The following QTMAN variants were observed in gnomAD, a reference collection of about 807,000 sequenced individuals.
QTMAN encodes the protein queuosine-tRNA mannosyltransferase.
At chr2:144,307,159 TAAAAAAA>T in the QTMAN span, among the ~76,000 whole-genome samples, 45 of 40,462 alleles carry the variant, frequency 1.1e-3, no homozygotes, top group Non-Finnish European at 1.5e-3. Flanking sequence ...GACTCCGTCT[TAAAAAAA>T]AAAAAAAAAA....
the QTMAN span, among the ~76,000 whole-genome samples, chr2:144,322,377 T>C: frequency 3.3e-5 from 5 of 152,160 alleles, no homozygotes; most frequent in African/African-American, 9.6e-5. Context: ...TTTAAAAACT[T>C]AGTAAGATAA....
the QTMAN span, among the ~76,000 whole-genome samples, chr2:144,110,554 T>A: frequency 5.3e-5 from 8 of 151,610 alleles, no homozygotes; most frequent in South Asian, 2.1e-4. Context: ...AAATAAAAAA[T>A]AAATAAATAA....
At chr2:144,123,280 A>G in the QTMAN span, among the ~76,000 whole-genome samples, 3 of 152,136 alleles carry the variant, frequency 2.0e-5, no homozygotes, top group Non-Finnish European at 4.4e-5. Context: ...TTTTTCTGTC[A>G]TAAAGGTACA....
chr2:144,298,409 T>C, the QTMAN span, among the ~76,000 whole-genome samples: 2 of 152,250 alleles, frequency 1.3e-5, no homozygotes, highest in Admixed American at 1.3e-4. Context: ...CAAAAGAGTA[T>C]AAATACAATA....
At chr2:144,117,944 C>A in the QTMAN span, among the ~76,000 whole-genome samples, 1 of 152,072 alleles carries the variant, frequency 6.6e-6, no homozygotes. Context: ...CTCCTGGGTT[C>A]ACACCATTCT....
the QTMAN span, among the ~76,000 whole-genome samples, chr2:144,130,002 T>C: frequency 2.6e-5 from 4 of 151,848 alleles, no homozygotes; most frequent in African/African-American, 9.6e-5. Context: ...ACATCATTTA[T>C]TGAAAAATAA....
At chr2:144,202,136 T>A in the QTMAN span, among the ~76,000 whole-genome samples, 1 of 152,078 alleles carries the variant, frequency 6.6e-6, no homozygotes, top group Non-Finnish European at 1.5e-5. Context: ...GAATTAGTCA[T>A]TAATGGAAAG....
At chr2:144,069,869 T>C in the QTMAN span, among the ~76,000 whole-genome samples, 1 of 152,096 alleles carries the variant, frequency 6.6e-6, no homozygotes, top group Non-Finnish European at 1.5e-5. Context: ...TTTCCATTCT[T>C]AATTGAAGAT....
the QTMAN span, among the ~76,000 whole-genome samples, chr2:144,027,239 T>C: frequency 6.6e-6 from 1 of 152,196 alleles, no homozygotes; most frequent in African/African-American, 2.4e-5. Flanking sequence ...GCAAAAGATA[T>C]AAGGGCCTTA....
chr2:144,281,531 G>A, the QTMAN span, among the ~76,000 whole-genome samples: 3 of 151,938 alleles, frequency 2.0e-5, no homozygotes, highest in Non-Finnish European at 4.4e-5. Flanking sequence ...GTTATGGGCT[G>A]AACTGTGTCC....
At chr2:144,297,990 A>G in the QTMAN span, among the ~76,000 whole-genome samples, 2 of 152,032 alleles carry the variant, frequency 1.3e-5, no homozygotes, top group African/African-American at 4.8e-5. Flanking sequence ...CGGTGTGGTA[A>G]AAGTATTACG....
chr2:144,054,733 C>T, the QTMAN span, among the ~76,000 whole-genome samples: 1 of 152,128 alleles, frequency 6.6e-6, no homozygotes, highest in South Asian at 2.1e-4. Flanking sequence ...GCCAACTGTT[C>T]TGGGATCAGC....
At chr2:144,077,844 G>C in the QTMAN span, among the ~76,000 whole-genome samples, 1 of 152,066 alleles carries the variant, frequency 6.6e-6, no homozygotes, top group Non-Finnish European at 1.5e-5. Flanking sequence ...GATTTTCTTT[G>C]CAAATTTTTA....
chr2:143,945,604 C>T, the QTMAN span: 14 of 152,322 alleles, frequency 9.2e-5, no homozygotes, highest in Admixed American at 5.9e-4. Context: ...ACTGGACTTC[C>T]GAATCATTGC....
At chr2:143,952,530 G>T in the QTMAN span, among the ~76,000 whole-genome samples, 1 of 150,644 alleles carries the variant, frequency 6.6e-6, no homozygotes, top group Non-Finnish European at 1.5e-5. Flanking sequence ...CATCATTATG[G>T]GATGTGTATG....
the QTMAN span, among the ~76,000 whole-genome samples, chr2:144,124,970 A>C: frequency 6.6e-6 from 1 of 152,136 alleles, no homozygotes; most frequent in African/African-American, 2.4e-5. Flanking sequence ...AAATTAATCC[A>C]AAGGTTTGAA....
chr2:143,993,582 T>C, the QTMAN span, among the ~76,000 whole-genome samples: 3 of 152,006 alleles, frequency 2.0e-5, no homozygotes, highest in African/African-American at 7.3e-5. Context: ...AGGCAGTGAA[T>C]GGAGTGATGC....
the QTMAN span, among the ~76,000 whole-genome samples, chr2:144,274,282 G>A: frequency 4.6e-5 from 7 of 152,278 alleles, no homozygotes; most frequent in East Asian, 3.9e-4. Flanking sequence ...CTCCTAAGAC[G>A]TTTGTAATTT....
At chr2:144,018,712 GAAAC>G in the QTMAN span, among the ~76,000 whole-genome samples, 1 of 152,182 alleles carries the variant, frequency 6.6e-6, no homozygotes, top group Non-Finnish European at 1.5e-5. Context: ...TTCAGAGAAA[GAAAC>G]AGTCATTCCT....
Sources: allele counts gnomAD v4.1 joint callset (sites outside exome capture counted in the v4.1 genomes callset), GRCh38; gene constraint gnomAD v4.1.1; transcripts MANE v1.5; gene names NCBI Gene and HGNC (gene_info 2026-07-23, HGNC 2026-07-21).